The following CRACR2A variants were observed in gnomAD, a reference collection of about 807,000 sequenced individuals.
CRACR2A encodes calcium release activated channel regulator 2A.
A neutral mutation model predicts 90.5 loss-of-function variants in CRACR2A; 79 were observed. The ratio of observed to expected loss-of-function variants is 0.87; its 90% CI spans 0.73 to 1.05. CRACR2A has a LOEUF of 1.05. CRACR2A is among the 50% of genes least tolerant of loss of function. The probability of loss-of-function intolerance (pLI) is 0.00; values close to 1 mark genes in which losing one functional copy is unlikely to be tolerated. For synonymous variants in CRACR2A, 338 were observed against 356.7 expected (o/e 0.95, Z 0.59); for missense variants, 823 against 897.2 (o/e 0.92, Z 1.06).
rs60953429 is a variant in CRACR2A, at chr12:3,752,337, GACACAC to G, written c.-387+672_-387+677del. Among the ~76,000 whole-genome samples, 263 of 68,816 alleles carry G rather than the reference GACACAC, an allele frequency of 3.8e-3. 1 individual carries two copies. Among genetic ancestry groups the G allele is most frequent in the African/African-American group, 9.7e-3 (246 of 25,322 alleles). The allele number at this position is 68,816 out of a possible 152,430, so 45.1% of individuals were successfully genotyped here. ...ACAGACACACACTCGCACACACACG[GACACAC>G]ACACACACACACGGACACACACACA... On this transcript the variant is annotated intron_variant, in intron 1 of 19. Coordinates refer to ENST00000440314, the MANE Select transcript of CRACR2A (RefSeq NM_001144958.2).
At chr12:3,662,890 T>C (rs373221446) in intron 7 of CRACR2A, among the ~76,000 whole-genome samples, 48 of 152,346 alleles carry the variant, frequency 3.2e-4, no homozygotes, top group East Asian at 1.5e-3. Flanking sequence ...CAACTCATCA[T>C]GTTTGCTTAT....
rs140483672 is a variant in CRACR2A at position 3,648,660 on chromosome 12, G to A, written c.1047-47C>T. 2.3e-4 allele frequency: 358 copies of A among 1,586,200 alleles called. 4 individuals carry two copies. In the South Asian group the frequency reaches 3.6e-3, roughly 16 times the overall value. On this transcript the variant is annotated intron_variant, in intron 10 of 19. Coordinates refer to ENST00000440314, the MANE Select transcript of CRACR2A (RefSeq NM_001144958.2). The stretch of plus-strand genomic sequence containing the variant: ...GGCAGTGAGCTCCCAGGTGGAAGCC[G>A]GATGCCCGGACCCCTCATGCTGGAG...
At chr12:3,698,974 G>C (rs368569036) in intron 3 of CRACR2A, among the ~76,000 whole-genome samples, 1 of 152,316 alleles carries the variant, frequency 6.6e-6, no homozygotes, top group African/African-American at 2.4e-5. Context: ...GCTGCTCCCA[G>C]GAGATGAGGT....
intron 7 of CRACR2A, among the ~76,000 whole-genome samples, chr12:3,665,041 G>A (rs893567587): frequency 2.0e-4 from 30 of 152,174 alleles, no homozygotes; most frequent in African/African-American, 7.0e-4. Flanking sequence ...CTGGCTCCCA[G>A]AACTCAAATG....
rs1402965861 is a variant in CRACR2A, at chr12:3,746,049, G to A, written c.-387+6966C>T. Among the ~76,000 whole-genome samples the A allele has an allele frequency of 2.6e-5, 4 of 152,068 alleles. No individual in the cohort carries two copies. Among genetic ancestry groups the A allele is most frequent in the Non-Finnish European group, 5.9e-5 (4 of 68,022 alleles). On this transcript the variant is annotated intron_variant, in intron 1 of 19. Coordinates refer to ENST00000440314, the MANE Select transcript of CRACR2A (RefSeq NM_001144958.2). This position sits in a 1 kb window ranked among gnomAD's most constrained non-coding sequence, Gnocchi z 4.4. The stretch of plus-strand genomic sequence containing the variant: ...TTCCTGTGCCTCAGGGCCCTGTGCT[G>A]TAAATGCTTCCCAGCCTGGGCTGTA...
intron 3 of CRACR2A, among the ~76,000 whole-genome samples, chr12:3,704,013 G>T (rs1414816522): frequency 6.6e-6 from 1 of 152,200 alleles, no homozygotes; most frequent in Non-Finnish European, 1.5e-5. Flanking sequence ...GAAAACATTT[G>T]ACAGTTTCTT....
At chr12:3,693,504 C>T (rs1174237156) in intron 4 of CRACR2A, among the ~76,000 whole-genome samples, 1 of 152,186 alleles carries the variant, frequency 6.6e-6, no homozygotes, top group Non-Finnish European at 1.5e-5. Flanking sequence ...TAAAACAGGT[C>T]AGTGCTAACA....
intron 4 of CRACR2A, among the ~76,000 whole-genome samples, chr12:3,692,304 A>AT (rs1162374137): frequency 4.7e-5 from 7 of 150,518 alleles, no homozygotes; most frequent in Non-Finnish European, 7.4e-5. Context: ...TGACCTTTGG[A>AT]TTTTTTTTTC....
chr12:3,623,247 T>C (rs1191207314), intron 17 of CRACR2A, among the ~76,000 whole-genome samples: 1 of 152,224 alleles, frequency 6.6e-6, no homozygotes, highest in African/African-American at 2.4e-5. Context: ...TTTTCTTACT[T>C]ATAAAACAAG....
chr12:3,667,966 T>C (rs1488971651), intron 7 of CRACR2A, among the ~76,000 whole-genome samples: 1 of 152,214 alleles, frequency 6.6e-6, no homozygotes, highest in African/African-American at 2.4e-5. Context: ...AGATGGATGG[T>C]TTCTTCCAAA....
At chr12:3,617,938 C>G (rs1003213256) in intron 18 of CRACR2A, among the ~76,000 whole-genome samples, 2 of 152,318 alleles carry the variant, frequency 1.3e-5, no homozygotes, top group East Asian at 3.9e-4. Context: ...GCCCCATGGG[C>G]TCTATTTCTC....
intron 7 of CRACR2A, among the ~76,000 whole-genome samples, chr12:3,664,463 C>A (rs1265715350): frequency 6.6e-6 from 1 of 151,578 alleles, no homozygotes; most frequent in Non-Finnish European, 1.5e-5. Context: ...TTTATTTTTT[C>A]TAAAAGCTTC....
chr12:3,698,124 A>C (rs1376509401), intron 3 of CRACR2A, among the ~76,000 whole-genome samples: 1 of 152,258 alleles, frequency 6.6e-6, no homozygotes, highest in Non-Finnish European at 1.5e-5. Context: ...TGAATTATAA[A>C]TGTTATTAAT....
rs554930387 is a variant in CRACR2A at position 3,656,359 on chromosome 12, C to T, written c.810G>A (p.Leu270=). Reference sequence around the variant, plus strand: ...GCTCCAGCTCCTGCTCCTTACATAACAGTTTCTGCTCCAGCTCTTGACTGC... The same window carrying T: ...GCTCCAGCTCCTGCTCCTTACATAATAGTTTCTGCTCCAGCTCTTGACTGC... ...QARSQELEQK[L]LCKEQELEQL... is the part of the protein sequence containing the mutation. The change falls in exon 9 of 20, where the codon CTG becomes CTA. Residue 270 remains leucine, a synonymous_variant. Coordinates refer to ENST00000440314, the MANE Select transcript of CRACR2A (RefSeq NM_001144958.2). 1 of 1,614,048 alleles carries T rather than the reference C, an allele frequency of 6.2e-7. No individual in the cohort carries two copies. The highest frequency in any genetic ancestry group is 1.3e-5 in the African/African-American group (1 of 74,896).
chr12:3,629,683 T>G (rs10735026), intron 15 of CRACR2A, among the ~76,000 whole-genome samples: 23 of 152,038 alleles, frequency 1.5e-4, no homozygotes, highest in Non-Finnish European at 3.1e-4. Flanking sequence ...GGGAGTGAGA[T>G]GGGCAAAAGA....
chr12:3,637,083 G>A (rs760112764), intron 14 of CRACR2A, among the ~76,000 whole-genome samples: 1 of 152,240 alleles, frequency 6.6e-6, no homozygotes, highest in Non-Finnish European at 1.5e-5. Flanking sequence ...ATGAGCCAGA[G>A]GAGCCGCTTT....
rs930558195 is a variant in CRACR2A at position 3,640,505 on chromosome 12, C to A, written c.1271+1227G>T. 6 of 1,204,706 alleles carry A rather than the reference C, an allele frequency of 5.0e-6. No individual in the cohort carries two copies. In the South Asian group the frequency reaches 7.6e-5, roughly 15 times the overall value. 74.6% of individuals were successfully genotyped at this position (1,204,706 alleles called of 1,614,324 possible). Reference sequence around the variant, plus strand: ...TGGTACACAGTAGGTAATCAGTAAACGTCTGCTGAATCAATCAATCAATCC... The same window carrying A: ...TGGTACACAGTAGGTAATCAGTAAAAGTCTGCTGAATCAATCAATCAATCC... On this transcript the variant is annotated intron_variant, in intron 13 of 19. Coordinates refer to ENST00000440314, the MANE Select transcript of CRACR2A (RefSeq NM_001144958.2).
At chr12:3,630,473 C>A (rs917730927) in intron 15 of CRACR2A, among the ~76,000 whole-genome samples, 1 of 152,082 alleles carries the variant, frequency 6.6e-6, no homozygotes, top group African/African-American at 2.4e-5. Flanking sequence ...AGAACCTGGA[C>A]CGGTGGCCAA....
chr12:3,713,581 T>C (rs1028573124), intron 2 of CRACR2A, among the ~76,000 whole-genome samples: 5 of 152,126 alleles, frequency 3.3e-5, no homozygotes, highest in Non-Finnish European at 7.4e-5. Context: ...CCCTTGTGCA[T>C]GAGAAGGGGG....
Sources: allele counts gnomAD v4.1 joint callset (sites outside exome capture counted in the v4.1 genomes callset), GRCh38; gene constraint gnomAD v4.1.1; non-coding constraint Gnocchi (gnomAD v3.1); transcripts MANE v1.5; gene names NCBI Gene and HGNC (gene_info 2026-07-23, HGNC 2026-07-21).